Variants in HS6ST2 observed in about 807,000 individuals in gnomAD.
HS6ST2 encodes heparan-sulfate 6-O-sulfotransferase 2.
In HS6ST2, 17 loss-of-function variants were observed where a neutral mutation model predicts 33.0. That is an observed-to-expected ratio of 0.52 (90% CI 0.35 to 0.77). The LOEUF (loss-of-function observed/expected upper bound fraction) is 0.77. HS6ST2 is among the 30% of genes least tolerant of loss of function. The probability of loss-of-function intolerance (pLI) is 0.01; values close to 1 mark genes in which losing one functional copy is unlikely to be tolerated. For synonymous variants in HS6ST2, 248 were observed against 237.1 expected (o/e 1.05, Z -0.42); for missense variants, 519 against 551.7 (o/e 0.94, Z 0.59).
intron 2 of HS6ST2, among the ~76,000 whole-genome samples, chrX:132,750,145 C>T (rs2148296737): frequency 9.0e-6 from 1 of 110,549 alleles, no homozygotes; most frequent in Admixed American, 9.6e-5. Context: ...AGTCTCCCAC[C>T]ACAATCTGTG....
intron 2 of HS6ST2, among the ~76,000 whole-genome samples, chrX:132,785,651 C>A (rs1234687382): frequency 1.8e-5 from 2 of 111,762 alleles, no homozygotes; most frequent in African/African-American, 6.5e-5. Flanking sequence ...CTTCTGCCAG[C>A]TCCAAAACAC....
At chrX:132,936,444 A>G (rs1014455347) in intron 2 of HS6ST2, among the ~76,000 whole-genome samples, 2 of 111,933 alleles carry the variant, frequency 1.8e-5, no homozygotes, top group African/African-American at 6.5e-5. Context: ...TTAAAAAAAT[A>G]GAAAAGGAGA....
rs766987884 is a variant in HS6ST2 at position 132,853,385 on chromosome X, C to T, written c.947+103423G>A. Reference sequence around the variant, plus strand: ...TGTTGCCCAGGCTTGTCTTGAATTCCTGGGCTCAAGCGATCCTCCTGCCTC... The same window carrying T: ...TGTTGCCCAGGCTTGTCTTGAATTCTTGGGCTCAAGCGATCCTCCTGCCTC... On this transcript the variant is annotated intron_variant, in intron 2 of 4. Coordinates refer to ENST00000370833, the MANE Select transcript of HS6ST2 (RefSeq NM_001394073.1). Among the ~76,000 whole-genome samples the T allele has an allele frequency of 4.5e-3, 482 of 106,797 alleles. 2 individuals carry two copies. Among genetic ancestry groups the T allele is most frequent in the Non-Finnish European group, 7.5e-3 (392 of 51,960 alleles). 92.7% of individuals were successfully genotyped at this position (106,797 alleles called of 115,157 possible). A position where few individuals can be genotyped will look rare whatever the true frequency, so the allele number is the denominator to read the frequency against.
At position 132,873,764 on chromosome X, in the gene HS6ST2, T is replaced by A. The variant is rs1247477583; in HGVS notation, c.947+83044A>T. Among the ~76,000 whole-genome samples, 5 of 111,508 alleles carry A rather than the reference T, an allele frequency of 4.5e-5. No individual in the cohort carries two copies. The East Asian group carries it at 1.4e-3, about 31-fold the overall frequency. On this transcript the variant is annotated intron_variant, in intron 2 of 4. Coordinates refer to ENST00000370833, the MANE Select transcript of HS6ST2 (RefSeq NM_001394073.1). ...AGCAGTCATCGGTTAAACAAACTTATGAACTTGTTAAGAATAGAAGTATCC... is the reference window on the plus strand; with the variant it reads ...AGCAGTCATCGGTTAAACAAACTTAAGAACTTGTTAAGAATAGAAGTATCC...
chrX:132,713,454 G>C (rs1039478265), intron 2 of HS6ST2, among the ~76,000 whole-genome samples: 8 of 111,401 alleles, frequency 7.2e-5, no homozygotes, highest in African/African-American at 2.6e-4. Context: ...AAAGGAACCA[G>C]CTTTTCAAAA....
At chrX:132,824,761 C>A (rs1236488692) in intron 2 of HS6ST2, among the ~76,000 whole-genome samples, 1 of 112,295 alleles carries the variant, frequency 8.9e-6, no homozygotes, top group Non-Finnish European at 1.9e-5. Flanking sequence ...CTCTTAAATG[C>A]GAGTTTAAAA....
At chrX:132,651,087 T>A (rs1264697218) in intron 4 of HS6ST2, among the ~76,000 whole-genome samples, 1 of 112,060 alleles carries the variant, frequency 8.9e-6, no homozygotes, top group Non-Finnish European at 1.9e-5. Context: ...CTTAATGGCA[T>A]TATTTCTGGC....
chrX:132,756,547 A>G (rs1264398736), intron 2 of HS6ST2, among the ~76,000 whole-genome samples: 1 of 109,558 alleles, frequency 9.1e-6, no homozygotes, highest in Non-Finnish European at 1.9e-5. Flanking sequence ...TTGCTCGCCC[A>G]GCCTCCTGGC....
chrX:132,657,840 C>T (rs1274853974), intron 4 of HS6ST2, among the ~76,000 whole-genome samples: 1 of 107,255 alleles, frequency 9.3e-6, no homozygotes, highest in Non-Finnish European at 1.9e-5. Flanking sequence ...ACAAATATCA[C>T]AACTGAACAA....
At position 132,835,564 on chromosome X, in the gene HS6ST2, T is replaced by G. The variant is rs1281663356; in HGVS notation, c.947+121244A>C. Among the ~76,000 whole-genome samples the G allele has an allele frequency of 2.7e-5, 3 of 112,248 alleles. No individual in the cohort carries two copies. In the Admixed American group the frequency reaches 2.8e-4, roughly 11 times the overall value. On this transcript the variant is annotated intron_variant, in intron 2 of 4. Coordinates refer to ENST00000370833, the MANE Select transcript of HS6ST2 (RefSeq NM_001394073.1). ...CTCAAATACACATTTATGTATCTCC[T>G]TGTAGTCACAAAACTTCAGGTTCAC...
chrX:132,680,340 A>C (rs1267174745), intron 3 of HS6ST2, among the ~76,000 whole-genome samples: 1 of 109,968 alleles, frequency 9.1e-6, no homozygotes, highest in Non-Finnish European at 1.9e-5. Context: ...TGTTGGGGAG[A>C]GTATGTGGAA....
chrX:132,811,685 A>T (rs868251998), intron 2 of HS6ST2, among the ~76,000 whole-genome samples: 26 of 29,808 alleles, frequency 8.7e-4, no homozygotes, highest in Non-Finnish European at 1.2e-3. Context: ...AAGGCTGAAT[A>T]ATATATATAT....
At chrX:132,824,631 C>T (rs920054371) in intron 2 of HS6ST2, among the ~76,000 whole-genome samples, 5 of 112,416 alleles carry the variant, frequency 4.4e-5, no homozygotes, top group African/African-American at 1.6e-4. Context: ...TATGGTTACT[C>T]TAAGCATTTT....
chrX:132,931,316 T>G (rs1166343578), intron 2 of HS6ST2, among the ~76,000 whole-genome samples: 4 of 111,456 alleles, frequency 3.6e-5, no homozygotes, highest in Non-Finnish European at 5.7e-5. Context: ...CTCATCAACA[T>G]CAGCTCTTTG....
chrX:132,810,585 T>C (rs2065331852), intron 2 of HS6ST2, among the ~76,000 whole-genome samples: 1 of 111,280 alleles, frequency 9.0e-6, no homozygotes, highest in Non-Finnish European at 1.9e-5. Context: ...TCCTTGCTAT[T>C]GCCCTCTTTG....
intron 4 of HS6ST2, among the ~76,000 whole-genome samples, chrX:132,664,913 A>C (rs1267945702): frequency 8.9e-6 from 1 of 111,975 alleles, no homozygotes; most frequent in East Asian, 2.8e-4. Context: ...CTACCTATCT[A>C]ATCTACATCT....
intron 2 of HS6ST2, among the ~76,000 whole-genome samples, chrX:132,852,577 T>C (rs752590876): frequency 8.9e-6 from 1 of 112,195 alleles, no homozygotes; most frequent in South Asian, 3.7e-4. Flanking sequence ...TGCATTGTTA[T>C]CCACCCATAG....
chrX:132,777,183 G>A (rs1018271439), intron 2 of HS6ST2, among the ~76,000 whole-genome samples: 10 of 106,027 alleles, frequency 9.4e-5, no homozygotes, highest in African/African-American at 3.1e-4. Context: ...ATCTAGCTCA[G>A]AATGTCAATA....
intron 2 of HS6ST2, among the ~76,000 whole-genome samples, chrX:132,853,642 T>C (rs2065826094): frequency 1.8e-5 from 2 of 111,299 alleles, no homozygotes; most frequent in South Asian, 3.8e-4. Flanking sequence ...TACATTATGA[T>C]TGTAAGTGAA....
Sources: gnomAD v4.1 joint callset for allele counts (sites outside exome capture counted in the v4.1 genomes callset) on GRCh38, gnomAD v4.1.1 for gene constraint, MANE v1.5 for transcripts, NCBI Gene and HGNC (gene_info 2026-07-23, HGNC 2026-07-21) for gene names.